EYA3: variants seen among roughly 807,000 people sequenced by gnomAD.
EYA3 encodes EYA transcriptional coactivator and phosphatase 3, also known as protein phosphatase EYA3.
EYA3 carries 39 observed loss-of-function variants against 80.0 expected under a neutral mutation model. The ratio of observed to expected loss-of-function variants is 0.49; its 90% CI spans 0.38 to 0.64. The LOEUF is 0.64. Among genes scored for constraint, EYA3 ranks in the 30% least tolerant of loss-of-function variants. The probability of loss-of-function intolerance (pLI) is 0.00; values close to 1 mark genes in which losing one functional copy is unlikely to be tolerated. For missense variants in EYA3, 523 were observed against 676.1 expected (o/e 0.77, Z 2.51); for synonymous variants, 206 against 232.8 (o/e 0.88, Z 1.05).
At chr1:27,976,978 C>G in intron 17 of EYA3, 1 of 978,178 alleles carries the variant, frequency 1.0e-6, no homozygotes, top group Non-Finnish European at 1.2e-6. Context: ...TCAGCCTCCC[C>G]AAGTGCTAGG....
chr1:28,007,065 C>T (rs1210673458), intron 10 of EYA3, among the ~76,000 whole-genome samples: 1 of 151,058 alleles, frequency 6.6e-6, no homozygotes, highest in Non-Finnish European at 1.5e-5. Context: ...CTCAGCCTCC[C>T]AAGTAGCTGG....
intron 10 of EYA3, 76 bp downstream of exon 10, chr1:28,010,871 G>T: frequency 6.5e-7 from 1 of 1,528,510 alleles, no homozygotes. Flanking sequence ...ATCTCTGTGA[G>T]CTTCAAAAAC....
chr1:27,992,445 G>A (rs1640141264), intron 14 of EYA3, among the ~76,000 whole-genome samples: 1 of 152,182 alleles, frequency 6.6e-6, no homozygotes, highest in South Asian at 2.1e-4. Flanking sequence ...AGCTCAGGCA[G>A]TAATACTCAC....
At chr1:27,999,902 T>G in intron 12 of EYA3, 58 bp downstream of exon 12, 1 of 1,295,120 alleles carries the variant, frequency 7.7e-7, no homozygotes, top group Non-Finnish European at 1.1e-6. Context: ...GCAAAAGCTC[T>G]AAATAGTTAT....
At chr1:27,977,478 A>G (rs1270850071) in intron 17 of EYA3, 15 of 1,267,988 alleles carry the variant, frequency 1.2e-5, no homozygotes, top group Admixed American at 2.3e-5. Flanking sequence ...TAATTGTTCA[A>G]ATTCACATAG....
chr1:28,022,880 C>T (rs1393563183), intron 7 of EYA3, among the ~76,000 whole-genome samples: 1 of 152,038 alleles, frequency 6.6e-6, no homozygotes, highest in Non-Finnish European at 1.5e-5. Context: ...CTGCACTTGG[C>T]TAATTTTTAT....
At chr1:28,071,976 CCAGGGGCCCTCTGTA>C (rs1439333572) in intron 1 of EYA3, among the ~76,000 whole-genome samples, 1 of 151,924 alleles carries the variant, frequency 6.6e-6, no homozygotes, top group African/African-American at 2.4e-5. Flanking sequence ...AACAATTTTC[CCAGGGGCCCTCTGTA>C]CTAGTCTCTG....
chr1:28,066,682 A>G (rs1278919138), intron 1 of EYA3, among the ~76,000 whole-genome samples: 5 of 152,324 alleles, frequency 3.3e-5, no homozygotes, highest in African/African-American at 1.2e-4. Flanking sequence ...AGAATTTGAC[A>G]AATCCAATTA....
chr1:28,074,894 G>A (rs1645149879), intron 1 of EYA3, among the ~76,000 whole-genome samples: 1 of 152,008 alleles, frequency 6.6e-6, no homozygotes. Flanking sequence ...GTTTCTTTTA[G>A]TGACTTTCCT....
intron 1 of EYA3, among the ~76,000 whole-genome samples, chr1:28,064,502 A>G (rs2148914348): frequency 6.6e-6 from 1 of 152,100 alleles, no homozygotes; most frequent in Admixed American, 6.5e-5. Context: ...ATTAGACAAA[A>G]TTAATAATGA....
intron 1 of EYA3, among the ~76,000 whole-genome samples, chr1:28,083,846 A>G (rs1645518095): frequency 6.6e-6 from 1 of 152,248 alleles, no homozygotes; most frequent in Admixed American, 6.5e-5. Flanking sequence ...GCCTGGTACA[A>G]TATTACCTAG....
At chr1:27,986,491 A>G (rs1341426297) in intron 16 of EYA3, among the ~76,000 whole-genome samples, 2 of 139,798 alleles carry the variant, frequency 1.4e-5, no homozygotes, top group Non-Finnish European at 3.1e-5. Context: ...TCCACCTCCC[A>G]GGCTCAAGCA....
intron 14 of EYA3, among the ~76,000 whole-genome samples, chr1:27,990,801 T>C (rs1640001779): frequency 6.6e-6 from 1 of 151,956 alleles, no homozygotes; most frequent in Non-Finnish European, 1.5e-5. Context: ...TCCACCCACC[T>C]TGGCCTCCCA....
chr1:28,043,516 A>T (rs1339518737), intron 3 of EYA3, among the ~76,000 whole-genome samples: 1 of 152,094 alleles, frequency 6.6e-6, no homozygotes, highest in Non-Finnish European at 1.5e-5. Flanking sequence ...TCAGCTACAA[A>T]CCATAATCAT....
intron 16 of EYA3, among the ~76,000 whole-genome samples, chr1:27,986,441 C>A (rs1423898001): frequency 2.0e-5 from 3 of 151,376 alleles, no homozygotes; most frequent in African/African-American, 7.3e-5. Context: ...CTCTGTTGCC[C>A]AGGCTGGAGT....
chr1:28,025,886 G>A (rs12562767), intron 7 of EYA3, among the ~76,000 whole-genome samples: 10,333 of 152,000 alleles, frequency 0.068, 617 homozygotes, highest in East Asian at 0.25. Context: ...TCGGCCTCCC[G>A]AGTAGCTGGG....
Position 28,013,702 on chromosome 1 carries a change from C to T in EYA3, c.586-408G>A, listed in dbSNP as rs937912859. On this transcript the variant is annotated intron_variant, in intron 8 of 17. Coordinates refer to ENST00000373871, the MANE Select transcript of EYA3 (RefSeq NM_001990.4). The surrounding 1 kb of genome is among the most constrained non-coding windows in gnomAD (Gnocchi z 4.0). Reference sequence around the variant, plus strand: ...TAGATAATAGCACTTCTAAGGACAACAAAACAAAACTTAAACTTAAGCAAA... The same window carrying T: ...TAGATAATAGCACTTCTAAGGACAATAAAACAAAACTTAAACTTAAGCAAA... Among the ~76,000 whole-genome samples, 44 of 152,100 alleles carry T rather than the reference C, an allele frequency of 2.9e-4. No individual in the cohort carries two copies. Among genetic ancestry groups the T allele is most frequent in the African/African-American group, 1.0e-3 (42 of 41,418 alleles).
intron 1 of EYA3, among the ~76,000 whole-genome samples, chr1:28,072,365 T>C (rs946476274): frequency 6.6e-6 from 1 of 152,146 alleles, no homozygotes. Flanking sequence ...AGTAATGAGC[T>C]GCATTCAGAG....
intron 3 of EYA3, among the ~76,000 whole-genome samples, chr1:28,047,929 G>A (rs1020944090): frequency 1.3e-5 from 2 of 152,164 alleles, no homozygotes; most frequent in East Asian, 1.9e-4. Flanking sequence ...GTGAGCGACC[G>A]TGCCAGGCGC....
Sources: gnomAD v4.1 joint callset for allele counts (sites outside exome capture counted in the v4.1 genomes callset) on GRCh38, gnomAD v4.1.1 for gene constraint, Gnocchi (gnomAD v3.1) non-coding constraint, MANE v1.5 for transcripts, NCBI Gene and HGNC (gene_info 2026-07-23, HGNC 2026-07-21) for gene names.